FAM185A: variants seen among roughly 807,000 people sequenced by gnomAD.
FAM185A encodes the protein protein FAM185A.
Under a neutral mutation model 45.7 loss-of-function variants are expected in FAM185A, and 21 were observed. That is an observed-to-expected ratio of 0.46 (90% confidence interval 0.33 to 0.66). FAM185A has a LOEUF of 0.66. Among genes scored for constraint, FAM185A ranks in the 30% least tolerant of loss-of-function variants. The probability of loss-of-function intolerance (pLI) is 0.03; values close to 1 mark genes in which losing one functional copy is unlikely to be tolerated. For missense variants in FAM185A, 305 were observed against 485.4 expected (o/e 0.63, Z 3.49); for synonymous variants, 117 against 194.0 (o/e 0.60, Z 3.30).
chr7:102,781,397 G>A (rs538819411), intron 6 of FAM185A, among the ~76,000 whole-genome samples: 1 of 152,326 alleles, frequency 6.6e-6, no homozygotes, highest in African/African-American at 2.4e-5. Context: ...TAGCCTAACT[G>A]GGAGGTATCC....
the FAM185A span, among the ~76,000 whole-genome samples, chr7:102,848,273 G>GTGTGTACGGATATTATATA: frequency 1.7e-5 from 2 of 116,170 alleles, no homozygotes; most frequent in Admixed American, 7.7e-5. Context: ...ATACACATTC[G>GTGTGTACGGATATTATATA]AGGCCGGGCG....
chr7:102,806,525 ATTT>A (rs1055068658), intron 7 of FAM185A, among the ~76,000 whole-genome samples: 29 of 151,000 alleles, frequency 1.9e-4, no homozygotes, highest in Admixed American at 9.2e-4. Context: ...GGTGCCTGGA[ATTT>A]TTTAATGAAC....
At chr7:102,816,518 C>T in the FAM185A span, among the ~76,000 whole-genome samples, 1 of 152,130 alleles carries the variant, frequency 6.6e-6, no homozygotes, top group African/African-American at 2.4e-5. Flanking sequence ...AGACCCAGGA[C>T]CTTGCCAAGA....
Position 102,749,409 on chromosome 7 carries a change from A to G in FAM185A, c.202A>G (p.Thr68Ala), listed in dbSNP as rs1168588974. Residue 68 changes from threonine (T) to alanine (A), a missense_variant, in exon 1 of 8, where the codon ACA (threonine) becomes GCA (alanine). Physicochemically the swap from Thr to Ala is moderately conservative, Grantham distance 58 (BLOSUM62 0). Transcript: ENST00000413034. ...GGGGCGCCGAACTCTGAAGGAGTGG[A>G]CACTGCAGGTGAGCCCGTTTGGTCG... is the stretch of plus-strand genomic sequence containing the variant. ...GPGRRTLKEW[T>A]LQVSPFGRLR... The G allele has an allele frequency of 3.2e-6, 5 of 1,548,502 alleles. No individual in the cohort carries two copies. Among genetic ancestry groups the G allele is most frequent in the Non-Finnish European group, 4.4e-6 (5 of 1,146,594 alleles).
At chr7:102,820,419 G>A in the FAM185A span, among the ~76,000 whole-genome samples, 3 of 152,202 alleles carry the variant, frequency 2.0e-5, no homozygotes, top group African/African-American at 7.2e-5. Flanking sequence ...GGGGTTTTGG[G>A]ACAAAGCTCA....
At chr7:102,819,573 G>A in the FAM185A span, among the ~76,000 whole-genome samples, 1 of 152,156 alleles carries the variant, frequency 6.6e-6, no homozygotes, top group Non-Finnish European at 1.5e-5. Flanking sequence ...AGCCTCTTCT[G>A]ACGGCTGTAA....
the FAM185A span, among the ~76,000 whole-genome samples, chr7:102,847,653 A>T: frequency 1.3e-5 from 2 of 151,760 alleles, no homozygotes; most frequent in African/African-American, 4.8e-5. Context: ...CAGCCTCCGG[A>T]GTAGCTGGGA....
chr7:102,830,905 CCA>C, the FAM185A span, among the ~76,000 whole-genome samples: 1 of 152,212 alleles, frequency 6.6e-6, no homozygotes, highest in South Asian at 2.1e-4. Context: ...TCAATATCTT[CCA>C]CTTTAGAGAC....
chr7:102,843,445 A>G, the FAM185A span, among the ~76,000 whole-genome samples: 1 of 152,046 alleles, frequency 6.6e-6, no homozygotes, highest in Non-Finnish European at 1.5e-5. Flanking sequence ...TCTCAAAAAC[A>G]AAAACAAAAA....
At position 102,784,630 on chromosome 7, in the gene FAM185A, CA is replaced by C. The variant is rs1795653439; in HGVS notation, c.932-2703del. Among the ~76,000 whole-genome samples the C allele has an allele frequency of 2.0e-5, 3 of 152,204 alleles. No homozygotes were observed. In the South Asian group the frequency reaches 6.2e-4, roughly 32 times the overall value. ...CAGAAAAGGCCTTGACAAAATTCAACAACGCTTCATGCTAAAAACTCTCAAT... is the reference window on the plus strand; with the variant it reads ...CAGAAAAGGCCTTGACAAAATTCAACACGCTTCATGCTAAAAACTCTCAAT... On this transcript the variant is annotated intron_variant, in intron 6 of 7. Coordinates refer to ENST00000413034, the MANE Select transcript of FAM185A (RefSeq NM_001145268.2).
At position 102,783,600 on chromosome 7, in the gene FAM185A, A is replaced by C. The variant is rs193199117; in HGVS notation, c.932-3735A>C. On this transcript the variant is annotated intron_variant, in intron 6 of 7. Coordinates refer to ENST00000413034, the MANE Select transcript of FAM185A (RefSeq NM_001145268.2). ...AGAAATAAAGATGTTCTTTGAAACC[A>C]ATGAAAACAAAGACACAACATACCA... Among the ~76,000 whole-genome samples the C allele has an allele frequency of 0.014, 2,054 of 150,534 alleles. 117 individuals are homozygous for C. In the East Asian group the frequency reaches 0.16, roughly 12 times the overall value.
chr7:102,812,087 G>A (rs1411972938), downstream of FAM185A, among the ~76,000 whole-genome samples: 1 of 152,160 alleles, frequency 6.6e-6, no homozygotes, highest in East Asian at 1.9e-4. Context: ...AAGTAATTGA[G>A]GAAATAGAAA....
chr7:102,754,957 A>G (rs1366697492), intron 2 of FAM185A: 3 of 185,430 alleles, frequency 1.6e-5, no homozygotes, highest in African/African-American at 7.1e-5. Flanking sequence ...GGGGAATTAG[A>G]TGAGCTTTAA....
intron 5 of FAM185A, among the ~76,000 whole-genome samples, chr7:102,773,540 A>T (rs1794878262): frequency 6.6e-6 from 1 of 152,018 alleles, no homozygotes; most frequent in Non-Finnish European, 1.5e-5. Flanking sequence ...CATTTTATGG[A>T]TGTATATATA....
chr7:102,772,867 T>C (rs894897848), intron 5 of FAM185A, among the ~76,000 whole-genome samples: 45 of 151,662 alleles, frequency 3.0e-4, no homozygotes, highest in Non-Finnish European at 1.0e-4. Context: ...GTACCTGCCA[T>C]GTATTAAGAA....
At chr7:102,761,162 G>A in intron 3 of FAM185A, 111 bp from the exon 4 acceptor site, 2 of 954,216 alleles carry the variant, frequency 2.1e-6, no homozygotes, top group South Asian at 3.8e-5. Flanking sequence ...TAAAGTGATT[G>A]TGTACTAGGT....
At position 102,806,719 on chromosome 7, in the gene FAM185A, C is replaced by T. The variant is rs533159671; in HGVS notation, c.1067-1571C>T. On this transcript the variant is annotated intron_variant, in intron 7 of 7. Coordinates refer to ENST00000413034, the MANE Select transcript of FAM185A (RefSeq NM_001145268.2). ...TCATAACCTTGATTTGTAAAGAAAA[C>T]GTAGAACTAGAAGAATAGATCTGAG... 2.5e-4 allele frequency among the ~76,000 whole-genome samples: 38 copies of T among 152,190 alleles called. 1 individual carries two copies. In the South Asian group the frequency reaches 7.3e-3, roughly 29 times the overall value.
chr7:102,846,748 G>GAAGCTTAAGAATTGTTCCT, the FAM185A span, among the ~76,000 whole-genome samples: 2,292 of 152,192 alleles, frequency 0.015, 59 homozygotes, highest in African/African-American at 0.053. Context: ...TTGTACTAAG[G>GAAGCTTAAGAATTGTTCCT]AAGCTTAATG....
intron 4 of FAM185A, among the ~76,000 whole-genome samples, chr7:102,765,166 C>T (rs1223706086): frequency 2.6e-5 from 4 of 152,120 alleles, no homozygotes; most frequent in African/African-American, 4.8e-5. Flanking sequence ...TGATTGCAAC[C>T]GCAAATTCCA....
Sources: gnomAD v4.1 joint callset for allele counts (sites outside exome capture counted in the v4.1 genomes callset) on GRCh38, gnomAD v4.1.1 for gene constraint, MANE v1.5 for transcripts, NCBI Gene and HGNC (gene_info 2026-07-23, HGNC 2026-07-21) for gene names.